Variants in NTNG1 observed in about 807,000 individuals in gnomAD.
NTNG1 encodes netrin-G1.
In NTNG1, 16 loss-of-function variants were observed where a neutral mutation model predicts 54.0. That is an observed-to-expected ratio of 0.30 (90% CI 0.20 to 0.45). The LOEUF (loss-of-function observed/expected upper bound fraction) is 0.45. NTNG1 is among the 20% of genes least tolerant of loss of function. The probability of loss-of-function intolerance (pLI) is 1.00; values close to 1 mark genes in which losing one functional copy is unlikely to be tolerated. For missense variants in NTNG1, 530 were observed against 678.7 expected (o/e 0.78, Z 2.43); for synonymous variants, 255 against 263.1 (o/e 0.97, Z 0.30).
chr1:107,316,402 G>C (rs17509223), intron 2 of NTNG1, among the ~76,000 whole-genome samples: 9,380 of 152,192 alleles, frequency 0.062, 356 homozygotes, highest in Middle Eastern at 0.11. Context: ...CCCTGTGTTG[G>C]TTTGGATGAA....
chr1:107,180,324 G>C (rs1656974682), intron 2 of NTNG1, among the ~76,000 whole-genome samples: 1 of 151,930 alleles, frequency 6.6e-6, no homozygotes, highest in Admixed American at 6.6e-5. Context: ...TATGAACCTT[G>C]GATGATTTGA....
chr1:107,306,621 C>T (rs534698438), intron 2 of NTNG1, among the ~76,000 whole-genome samples: 4 of 152,156 alleles, frequency 2.6e-5, no homozygotes, highest in African/African-American at 7.2e-5. Flanking sequence ...CATGGTGGCA[C>T]GTGCCTGTAA....
intron 2 of NTNG1, among the ~76,000 whole-genome samples, chr1:107,235,692 CT>C (rs1386974390): frequency 3.3e-5 from 5 of 152,284 alleles, no homozygotes; most frequent in African/African-American, 1.2e-4. Context: ...AAGTATACTC[CT>C]TCCACTTTTG....
At chr1:107,436,870 T>C in intron 7 of NTNG1, 71 bp downstream of exon 7, 2 of 1,430,378 alleles carry the variant, frequency 1.4e-6, no homozygotes, top group Non-Finnish European at 1.9e-6. Context: ...GGCCGGTGCG[T>C]GCAGCTTCTC....
chr1:107,347,198 C>T (rs1455590008), intron 3 of NTNG1, among the ~76,000 whole-genome samples: 2 of 152,076 alleles, frequency 1.3e-5, no homozygotes, highest in African/African-American at 4.8e-5. Context: ...CAATAGTTTC[C>T]ACGTCAGTAA....
chr1:107,390,519 C>T lies in NTNG1; in HGVS notation c.888-4635C>T, dbSNP rs114196084. ...ATTAAACTGGGTTTATGATATCTCA[C>T]AAATTTCATAGCGTCTCCTTTCTCC... On this transcript the variant is annotated intron_variant, in intron 3 of 7. Transcript: ENST00000370068. Among the ~76,000 whole-genome samples the T allele has an allele frequency of 1.7e-3, 252 of 152,274 alleles. 2 individuals are homozygous for T. Among genetic ancestry groups the T allele is most frequent in the African/African-American group, 5.8e-3 (241 of 41,546 alleles).
chr1:107,369,469 G>T (rs1034758748), intron 3 of NTNG1, among the ~76,000 whole-genome samples: 1 of 152,016 alleles, frequency 6.6e-6, no homozygotes, highest in South Asian at 2.1e-4. Context: ...TATCTCATTG[G>T]GATTTTAATT....
chr1:107,436,591 G>A (rs1025002612), intron 6 of NTNG1, 74 bp from the exon 7 acceptor site: 27 of 1,306,376 alleles, frequency 2.1e-5, no homozygotes, highest in South Asian at 3.8e-5. Context: ...ATTTAAGTAC[G>A]TGACGCTCCT....
At chr1:107,267,294 A>G (rs746199711) in intron 2 of NTNG1, among the ~76,000 whole-genome samples, 3 of 152,196 alleles carry the variant, frequency 2.0e-5, no homozygotes, top group Non-Finnish European at 2.9e-5. Flanking sequence ...GTTGACCATT[A>G]TTCAAGGAAG....
intron 5 of NTNG1, among the ~76,000 whole-genome samples, chr1:107,413,257 G>A (rs569470544): frequency 2.6e-5 from 4 of 151,636 alleles, no homozygotes; most frequent in Admixed American, 1.3e-4. Flanking sequence ...CCACCTCCTG[G>A]GTTCACGCCA....
chr1:107,297,081 A>G (rs1665987832), intron 2 of NTNG1, among the ~76,000 whole-genome samples: 1 of 133,372 alleles, frequency 7.5e-6, no homozygotes, highest in Non-Finnish European at 1.6e-5. Flanking sequence ...ATCTTTACAG[A>G]TGAGGACACA....
chr1:107,329,696 T>C lies in NTNG1; in HGVS notation c.887+4774T>C, dbSNP rs1210598975. 2.6e-5 allele frequency among the ~76,000 whole-genome samples: 4 copies of C among 152,260 alleles called. No homozygotes were observed. The East Asian group carries it at 7.7e-4, about 29-fold the overall frequency. ...CCTTTATCTATTCTTTTCCAATTAGTCTCAATTATTGAGGTTGGGCTTTAC... is the reference window on the plus strand; with the variant it reads ...CCTTTATCTATTCTTTTCCAATTAGCCTCAATTATTGAGGTTGGGCTTTAC... On this transcript the variant is annotated intron_variant, in intron 3 of 7. Coordinates refer to ENST00000370068, the MANE Select transcript of NTNG1 (RefSeq NM_001113226.3).
chr1:107,413,880 A>G (rs1674013277), intron 5 of NTNG1, among the ~76,000 whole-genome samples: 2 of 152,170 alleles, frequency 1.3e-5, no homozygotes, highest in South Asian at 4.1e-4. Flanking sequence ...CTTCTCATTT[A>G]TATAAATTAA....
At chr1:107,236,818 C>A (rs898813448) in intron 2 of NTNG1, among the ~76,000 whole-genome samples, 1 of 152,094 alleles carries the variant, frequency 6.6e-6, no homozygotes, top group Non-Finnish European at 1.5e-5. Flanking sequence ...TTGCCTTCTG[C>A]CGTAATTGTG....
intron 3 of NTNG1, among the ~76,000 whole-genome samples, chr1:107,342,551 A>G (rs1251735968): frequency 2.0e-5 from 3 of 152,148 alleles, no homozygotes; most frequent in Non-Finnish European, 4.4e-5. Flanking sequence ...TTGTTAATAG[A>G]GAAACCATCT....
chr1:107,198,214 A>C (rs1044863456), intron 2 of NTNG1, among the ~76,000 whole-genome samples: 3 of 151,884 alleles, frequency 2.0e-5, no homozygotes, highest in African/African-American at 7.3e-5. Flanking sequence ...ATGGTGTTGT[A>C]GTTACATTTA....
chr1:107,158,237 A>G (rs1374971133), intron 2 of NTNG1, among the ~76,000 whole-genome samples: 2 of 151,102 alleles, frequency 1.3e-5, no homozygotes, highest in Non-Finnish European at 3.0e-5. Flanking sequence ...TAAAAATTTC[A>G]GAGTTTCTTT....
chr1:107,237,968 G>T (rs905005660), intron 2 of NTNG1, among the ~76,000 whole-genome samples: 1 of 152,184 alleles, frequency 6.6e-6, no homozygotes, highest in African/African-American at 2.4e-5. Flanking sequence ...ACCTAGTGGA[G>T]CTGTGAGAAG....
intron 2 of NTNG1, among the ~76,000 whole-genome samples, chr1:107,261,797 C>A (rs1021343334): frequency 6.6e-6 from 1 of 152,060 alleles, no homozygotes; most frequent in East Asian, 1.9e-4. Context: ...GAGCTGAGAT[C>A]GCACCACTGC....
Sources: gnomAD v4.1 joint callset for allele counts (sites outside exome capture counted in the v4.1 genomes callset) on GRCh38, gnomAD v4.1.1 for gene constraint, MANE v1.5 for transcripts, NCBI Gene and HGNC (gene_info 2026-07-23, HGNC 2026-07-21) for gene names.